Variants in LCOR observed in about 807,000 individuals in gnomAD.
LCOR encodes the protein ligand-dependent corepressor.
LCOR carries 14 observed loss-of-function variants against 64.4 expected under a neutral mutation model. The observed-to-expected ratio is 0.22, with a 90% CI of 0.14 to 0.34. The LOEUF (loss-of-function observed/expected upper bound fraction) is 0.34. Ranked by LOEUF, LCOR falls within the 10% of genes least tolerant of loss-of-function variation. LCOR has a pLI of 1.00. For missense variants in LCOR, 1,686 were observed against 1,765.3 expected (o/e 0.96, Z 0.80); for synonymous variants, 643 against 642.5 (o/e 1.00, Z -0.01).
intron 2 of LCOR, among the ~76,000 whole-genome samples, chr10:96,903,032 A>G (rs915182557): frequency 1.3e-5 from 2 of 152,180 alleles, no homozygotes; most frequent in Non-Finnish European, 2.9e-5. Context: ...AAATACCACC[A>G]TTGTCACACA....
Position 96,948,958 on chromosome 10 carries a change from T to C in LCOR, c.-50-50T>C. 4 of 1,370,826 alleles carry C rather than the reference T, an allele frequency of 2.9e-6. No individual in the cohort carries two copies. The South Asian group carries it at 4.2e-5, about 15-fold the overall frequency. The allele number at this position is 1,370,826 out of a possible 1,614,324, so 84.9% of individuals were successfully genotyped here. A position where few individuals can be genotyped will look rare whatever the true frequency, so the allele number is the denominator to read the frequency against. On this transcript the variant is annotated intron_variant, in intron 5 of 7. Transcript: ENST00000421806. ...ATTTTATGTTTACTTGAAAGCTGTC[T>C]TTTTTAGTACATTGTCCCACTTTAA...
chr10:96,958,165 CA>C, intron 7 of LCOR: 1 of 1,266,326 alleles, frequency 7.9e-7, no homozygotes, highest in Admixed American at 3.6e-5. Flanking sequence ...AGGATTGCTA[CA>C]AAAAGGTCCT....
chr10:96,962,331 C>G (rs1043686050), intron 7 of LCOR: 1 of 152,038 alleles, frequency 6.6e-6, no homozygotes, highest in Non-Finnish European at 1.5e-5. Context: ...GGATTCTCTC[C>G]CCCTTTAAGT....
chr10:96,911,333 A>G (rs1846830975), intron 4 of LCOR, among the ~76,000 whole-genome samples: 2 of 152,030 alleles, frequency 1.3e-5, no homozygotes, highest in African/African-American at 4.8e-5. Flanking sequence ...CCTGACCTCA[A>G]GTGATCCACT....
chr10:96,985,300 C>G lies in LCOR; in HGVS notation c.*166C>G. ...AATGCATCTCAGATGGAGAAGGGAA[C>G]TTGCAGAGTCCTTCTCTGAGGCTAA... On this transcript the variant is annotated 3_prime_UTR_variant, in exon 8 of 8. Transcript: ENST00000421806. 3.8e-6 allele frequency: 3 copies of G among 794,774 alleles called. No homozygotes were observed. Among genetic ancestry groups the G allele is most frequent in the Non-Finnish European group, 5.5e-6 (3 of 540,580 alleles). 49.2% of individuals were successfully genotyped at this position (794,774 alleles called of 1,614,324 possible).
At chr10:96,836,521 C>G (rs1305397022) in intron 2 of LCOR, among the ~76,000 whole-genome samples, 1 of 152,176 alleles carries the variant, frequency 6.6e-6, no homozygotes, top group East Asian at 1.9e-4. Context: ...CAAACAAAGT[C>G]TGGGAAAGTT....
Position 96,981,111 on chromosome 10 carries a change from C to A in LCOR, c.651C>A (p.His217Gln). 1 of 703,404 alleles carries A rather than the reference C, an allele frequency of 1.4e-6. No homozygotes were observed. The highest frequency in any genetic ancestry group is 2.0e-5 in the Admixed American group (1 of 50,026). 43.6% of individuals were successfully genotyped at this position (703,404 alleles called of 1,614,324 possible). A position where few individuals can be genotyped will look rare whatever the true frequency, so the allele number is the denominator to read the frequency against. The change falls in exon 8 of 8, where the codon CAC (histidine) becomes CAA (glutamine). Residue 217 changes from histidine to glutamine, a missense_variant. By Grantham distance (24) the His-to-Gln change is conservative (BLOSUM62 0). Around this residue, in one of 3 missense-constraint regions of LCOR, gnomAD observed 313 missense variants for 247.2 expected, o/e 1.27. Transcript: ENST00000421806. Reference sequence around the variant, plus strand: ...CGTCAGACTCTCACAGCCCTCTACACTTGACGGAACAGACCCCGAAGAAGC... The same window carrying A: ...CGTCAGACTCTCACAGCCCTCTACAATTGACGGAACAGACCCCGAAGAAGC... ...VDSSDSHSPLHLTEQTPKKPP... is the reference protein window; with the variant it reads ...VDSSDSHSPLQLTEQTPKKPP...
At chr10:96,857,027 TTTTTTTA>T (rs1845817000) in intron 2 of LCOR, among the ~76,000 whole-genome samples, 1 of 151,986 alleles carries the variant, frequency 6.6e-6, no homozygotes, top group Non-Finnish European at 1.5e-5. Context: ...CTCTTACTCT[TTTTTTTA>T]GTGAATTCTT....
intron 6 of LCOR, among the ~76,000 whole-genome samples, chr10:96,951,376 C>G (rs1376109045): frequency 6.6e-6 from 1 of 152,068 alleles, no homozygotes; most frequent in African/African-American, 2.4e-5. Flanking sequence ...TTTAAACTTT[C>G]TTCACCAATT....
intron 4 of LCOR, among the ~76,000 whole-genome samples, chr10:96,908,586 A>AACTAAGTAGTTAGGC (rs1204844635): frequency 8.5e-5 from 13 of 152,270 alleles, no homozygotes; most frequent in African/African-American, 2.9e-4. Flanking sequence ...TTTGTTTTAA[A>AACTAAGTAGTTAGGC]CATAAACAGA....
At chr10:96,880,392 T>TTTCTG (rs544606555) in intron 2 of LCOR, among the ~76,000 whole-genome samples, 1 of 152,152 alleles carries the variant, frequency 6.6e-6, no homozygotes, top group Non-Finnish European at 1.5e-5. Context: ...TATTCCTTGT[T>TTTCTG]TTTTGTTTTG....
intron 2 of LCOR, among the ~76,000 whole-genome samples, chr10:96,842,353 C>A (rs567881456): frequency 6.6e-6 from 1 of 152,204 alleles, no homozygotes; most frequent in Non-Finnish European, 1.5e-5. Context: ...GAGATTGCGC[C>A]TCTGCACTCC....
At chr10:96,964,503 TA>T (rs1847928695) in intron 7 of LCOR, 1 of 152,154 alleles carries the variant, frequency 6.6e-6, no homozygotes, top group African/African-American at 2.4e-5. Flanking sequence ...AAAAAATGGG[TA>T]AAAGTTGGAT....
intron 2 of LCOR, among the ~76,000 whole-genome samples, chr10:96,843,352 C>T (rs1241727933): frequency 7.9e-5 from 12 of 151,950 alleles, no homozygotes; most frequent in Admixed American, 7.9e-4. Context: ...AGGCTTGTCT[C>T]GATCCCCTGG....
rs1211250138 is a variant in LCOR at position 96,873,567 on chromosome 10, CACACGTGTGTGTGTGT to C, written c.-329-33697_-329-33682del. Among the ~76,000 whole-genome samples, 689 of 118,444 alleles carry C rather than the reference CACACGTGTGTGTGTGT, an allele frequency of 5.8e-3. 11 individuals carry two copies. Among genetic ancestry groups the C allele is most frequent in the African/African-American group, 0.021 (662 of 30,860 alleles). 77.7% of individuals were successfully genotyped at this position (118,444 alleles called of 152,430 possible). A position where few individuals can be genotyped will look rare whatever the true frequency, so the allele number is the denominator to read the frequency against. On this transcript the variant is annotated intron_variant, in intron 2 of 7. Transcript: ENST00000421806. ...TGTTTTGTTTTTCGATACACACACA[CACACGTGTGTGTGTGT>C]GTGTGTGTGTGTGTGTGTGTGTGTG... is the stretch of plus-strand genomic sequence containing the variant.
chr10:96,941,170 C>T (rs1367487685), intron 4 of LCOR, among the ~76,000 whole-genome samples: 4 of 139,756 alleles, frequency 2.9e-5, no homozygotes, highest in African/African-American at 8.0e-5. Flanking sequence ...CCGGACAGGG[C>T]GGCTGGCCAG....
intron 4 of LCOR, among the ~76,000 whole-genome samples, chr10:96,914,427 C>T (rs1846901551): frequency 6.6e-6 from 1 of 152,186 alleles, no homozygotes; most frequent in Non-Finnish European, 1.5e-5. Context: ...GAACTCCTGA[C>T]CTCAGGTGAT....
chr10:96,839,978 G>A (rs1481790358), intron 2 of LCOR, among the ~76,000 whole-genome samples: 2 of 152,156 alleles, frequency 1.3e-5, no homozygotes, highest in Non-Finnish European at 2.9e-5. Context: ...ACCACCCCTG[G>A]TTTATATTTT....
At chr10:96,880,687 C>G (rs114036959) in intron 2 of LCOR, among the ~76,000 whole-genome samples, 164 of 152,330 alleles carry the variant, frequency 1.1e-3, no homozygotes, top group African/African-American at 3.8e-3. Context: ...CATGAGCCAC[C>G]ACACCTGGCC....
Sources: gnomAD v4.1 joint callset for allele counts (sites outside exome capture counted in the v4.1 genomes callset) on GRCh38, gnomAD v4.1.1 for gene constraint, gnomAD v4.1.1 regional missense constraint, MANE v1.5 for transcripts, NCBI Gene and HGNC (gene_info 2026-07-23, HGNC 2026-07-21) for gene names.